Variants in MTUS1 observed in about 807,000 individuals in gnomAD.
The protein encoded by MTUS1 is microtubule associated scaffold protein 1.
MTUS1 carries 109 observed loss-of-function variants against 120.8 expected under a neutral mutation model. That is an observed-to-expected ratio of 0.90 (90% CI 0.77 to 1.06). MTUS1 has a LOEUF of 1.06. MTUS1 is among the 50% of genes least tolerant of loss of function. The pLI, the probability that MTUS1 is intolerant of heterozygous loss-of-function variation, is 0.00. For synonymous variants in MTUS1, 737 were observed against 550.5 expected (o/e 1.34, Z -4.74); for missense variants, 2,210 against 1,486.3 (o/e 1.49, Z -8.01).
rs769393961 is a variant in MTUS1, at chr8:17,755,073, T to C, written c.735A>G (p.Ala245=). The change falls in exon 2 of 15, where the codon GCA becomes GCG. Residue 245 remains alanine (A), a synonymous_variant. Coordinates refer to ENST00000693296, the MANE Select transcript of MTUS1 (RefSeq NM_001363059.2). ...CACTTTGCATCACCACATCAGAAAA[T>C]GCTGTGTAAGTCATGTCTTGGGCTT... ...PSEAQDMTYT[A]FSDVVMQSEV... The C allele has an allele frequency of 3.1e-6, 5 of 1,613,822 alleles. No individual in the cohort carries two copies. The South Asian group carries it at 4.4e-5, about 14-fold the overall frequency.
intron 1 of MTUS1, among the ~76,000 whole-genome samples, chr8:17,762,305 A>G (rs2049108474): frequency 6.6e-6 from 1 of 152,114 alleles, no homozygotes; most frequent in Non-Finnish European, 1.5e-5. Context: ...AAAAACAAAA[A>G]TTAAGCAGCT....
At chr8:17,778,283 T>A (rs1347057474) in intron 1 of MTUS1, among the ~76,000 whole-genome samples, 4 of 152,158 alleles carry the variant, frequency 2.6e-5, no homozygotes, top group Non-Finnish European at 5.9e-5. Context: ...AAAGTCTCCA[T>A]ACTCTATAAC....
chr8:17,671,826 G>T (rs1328278873), intron 8 of MTUS1, among the ~76,000 whole-genome samples: 1 of 152,150 alleles, frequency 6.6e-6, no homozygotes, highest in African/African-American at 2.4e-5. Flanking sequence ...ATTTTGGAGG[G>T]AAGAAGTGGG....
intron 1 of MTUS1, among the ~76,000 whole-genome samples, chr8:17,759,853 C>G (rs2048900947): frequency 6.6e-6 from 1 of 151,478 alleles, no homozygotes; most frequent in African/African-American, 2.4e-5. Flanking sequence ...AATAAAGAAG[C>G]CATCAACCAT....
chr8:17,773,514 T>C (rs538771108), intron 1 of MTUS1, among the ~76,000 whole-genome samples: 39 of 152,270 alleles, frequency 2.6e-4, no homozygotes, highest in African/African-American at 8.9e-4. Context: ...CAAAGTTCAT[T>C]TAGCTCAGGG....
chr8:17,714,891 ATGCT>A (rs1822013393), intron 5 of MTUS1, among the ~76,000 whole-genome samples: 3 of 127,208 alleles, frequency 2.4e-5, no homozygotes, highest in African/African-American at 8.9e-5. Flanking sequence ...AGCACAAATA[ATGCT>A]TTTTTTTTTT....
At chr8:17,698,827 C>T (rs962491995) in intron 6 of MTUS1, among the ~76,000 whole-genome samples, 3 of 152,102 alleles carry the variant, frequency 2.0e-5, no homozygotes, top group Non-Finnish European at 2.9e-5. Context: ...GAGAAAGATA[C>T]ACCTAGTTCA....
chr8:17,699,237 G>C (rs925471767), intron 6 of MTUS1, among the ~76,000 whole-genome samples: 2 of 152,086 alleles, frequency 1.3e-5, no homozygotes, highest in African/African-American at 4.8e-5. Context: ...TGTTTTTTGA[G>C]ATGGAGTTTC....
chr8:17,746,637 T>C (rs944670088), intron 2 of MTUS1, among the ~76,000 whole-genome samples: 1 of 151,990 alleles, frequency 6.6e-6, no homozygotes, highest in Non-Finnish European at 1.5e-5. Context: ...TCCCACCAGG[T>C]CCCTCCCACA....
At chr8:17,718,417 A>G (rs1281086334) in intron 4 of MTUS1, among the ~76,000 whole-genome samples, 5 of 152,192 alleles carry the variant, frequency 3.3e-5, no homozygotes, top group African/African-American at 7.2e-5. Flanking sequence ...TGAATCACCT[A>G]TCTATGAATA....
chr8:17,713,846 G>A (rs1453715574), intron 5 of MTUS1, among the ~76,000 whole-genome samples: 1 of 152,154 alleles, frequency 6.6e-6, no homozygotes, highest in Admixed American at 6.5e-5. Context: ...CAGCTACCAT[G>A]TTCTATCTGA....
At chr8:17,679,169 G>A (rs1813738736) in intron 7 of MTUS1, among the ~76,000 whole-genome samples, 1 of 150,506 alleles carries the variant, frequency 6.6e-6, no homozygotes, top group Non-Finnish European at 1.5e-5. Flanking sequence ...AAGCCATTTA[G>A]AAAAGGTTAG....
At position 17,723,744 on chromosome 8, in the gene MTUS1, C is replaced by G; in HGVS notation, c.2377G>C (p.Ala793Pro). Residue 793 changes from alanine to proline, a missense_variant, in exon 4 of 15, where the codon GCG (alanine) becomes CCG (proline). By Grantham distance (27) the Ala-to-Pro change is conservative. Coordinates refer to ENST00000693296, the MANE Select transcript of MTUS1 (RefSeq NM_001363059.2). ...GGGGTGCTTCCTGTCCTCCGCAGCGCAGGACTTTTCAAAGATGCTTTGGAT... is the reference window on the plus strand; with the variant it reads ...GGGGTGCTTCCTGTCCTCCGCAGCGGAGGACTTTTCAAAGATGCTTTGGAT... ...PKSKASLKSP[A>P]LRRTGSTPSI... The G allele has an allele frequency of 6.2e-7, 1 of 1,610,302 alleles. No homozygotes were observed. The highest frequency in any genetic ancestry group is 1.3e-5 in the African/African-American group (1 of 74,936).
Position 17,666,549 on chromosome 8 carries a change from G to A in MTUS1, c.2905+8637C>T, listed in dbSNP as rs112467076. Among the ~76,000 whole-genome samples, 978 of 152,226 alleles carry A rather than the reference G, an allele frequency of 6.4e-3. 18 individuals are homozygous for A. The highest frequency in any genetic ancestry group is 0.022 in the African/African-American group (932 of 41,548). On this transcript the variant is annotated intron_variant, in intron 8 of 14. Coordinates refer to ENST00000693296, the MANE Select transcript of MTUS1 (RefSeq NM_001363059.2). ...TAGAGCAGTGTCAAAGGGTAGTCCTGGGGCACCTACATGAGAACCACCTGG... is the reference window on the plus strand; with the variant it reads ...TAGAGCAGTGTCAAAGGGTAGTCCTAGGGCACCTACATGAGAACCACCTGG...
chr8:17,688,630 G>C (rs919904913), intron 6 of MTUS1, among the ~76,000 whole-genome samples: 1 of 152,198 alleles, frequency 6.6e-6, no homozygotes, highest in Non-Finnish European at 1.5e-5. Context: ...TGACACAGAA[G>C]TTCTTTCAGT....
intron 6 of MTUS1, chr8:17,697,720 G>T (rs1053330550): frequency 2.0e-6 from 2 of 1,000,214 alleles, no homozygotes; most frequent in Non-Finnish European, 2.4e-6. Context: ...TAAAGGGGAG[G>T]AGAAAGTGGG....
At chr8:17,665,260 T>C (rs1420246604) in intron 8 of MTUS1, among the ~76,000 whole-genome samples, 4 of 152,162 alleles carry the variant, frequency 2.6e-5, no homozygotes, top group African/African-American at 4.8e-5. Context: ...AATCAACAAA[T>C]CACTAAGAGC....
In MTUS1 at chr8:17,715,800, C is replaced by T. The variant is rs1563255315; in HGVS notation, c.2551G>A (p.Ala851Thr). Residue 851 changes from alanine (A) to threonine (T), a missense_variant, in exon 5 of 15, where the codon GCT (alanine) becomes ACT (threonine). Physicochemically the swap from Ala to Thr is moderately conservative, Grantham distance 58. Transcript: ENST00000693296. ...GGAGTTTTCATCAAGTGAACATGAG[C>T]CCTGGATACCAAAGGCTTCAAATAA... ...SFYLKPLVSR[A>T]HVHLMKTPPK... 6.2e-7 allele frequency: 1 copy of T among 1,613,920 alleles called. No homozygotes were observed. Among genetic ancestry groups the T allele is most frequent in the Admixed American group, 1.7e-5 (1 of 59,966 alleles).
chr8:17,703,688 C>T (rs1819575592), intron 6 of MTUS1, among the ~76,000 whole-genome samples: 1 of 151,122 alleles, frequency 6.6e-6, no homozygotes, highest in Admixed American at 6.6e-5. Flanking sequence ...TCCTGCAGTA[C>T]CCTCAGGCTT....
Sources: allele counts gnomAD v4.1 joint callset (sites outside exome capture counted in the v4.1 genomes callset), GRCh38; gene constraint gnomAD v4.1.1; transcripts MANE v1.5; gene names NCBI Gene and HGNC (gene_info 2026-07-23, HGNC 2026-07-21).